The following ADCYAP1R1 variants were observed in gnomAD, a reference collection of about 807,000 sequenced individuals.
ADCYAP1R1 encodes pituitary adenylate cyclase-activating polypeptide type I receptor.
Under a neutral mutation model 67.6 loss-of-function variants are expected in ADCYAP1R1, and 44 were observed. That is an observed-to-expected ratio of 0.65 (90% CI 0.51 to 0.84). ADCYAP1R1 has a LOEUF of 0.84. Ranked by LOEUF, ADCYAP1R1 falls within the 40% of genes least tolerant of loss-of-function variation. The probability of loss-of-function intolerance (pLI) is 0.00; values close to 1 mark genes in which losing one functional copy is unlikely to be tolerated. For missense variants in ADCYAP1R1, 477 were observed against 587.9 expected, an observed-to-expected ratio of 0.81 and a Z score of 1.95; for synonymous variants, 222 against 219.6, an observed-to-expected ratio of 1.01 and a Z score of -0.10.
Position 31,104,704 on chromosome 7 carries a change from C to G in ADCYAP1R1, c.1177-164C>G, listed in dbSNP as rs555310765. On this transcript the variant is annotated intron_variant, in intron 14 of 15. Coordinates refer to ENST00000304166, the MANE Select transcript of ADCYAP1R1 (RefSeq NM_001118.5). ...CACGTGGCCTCATGGGTGTGCCCATCTTGGTAGAGTAGAACTGTCCCATCT... is the reference window on the plus strand; with the variant it reads ...CACGTGGCCTCATGGGTGTGCCCATGTTGGTAGAGTAGAACTGTCCCATCT... Among the ~76,000 whole-genome samples the G allele has an allele frequency of 2.0e-5, 3 of 152,332 alleles. No homozygotes were observed. The East Asian group carries it at 5.8e-4, about 29-fold the overall frequency.
Position 31,102,276 on chromosome 7 carries a change from G to GGGGGCAGGCCACATCTGC in ADCYAP1R1, c.1047-942_1047-925dup, listed in dbSNP as rs893353250. On this transcript the variant is annotated intron_variant, in intron 13 of 15. Coordinates refer to ENST00000304166, the MANE Select transcript of ADCYAP1R1 (RefSeq NM_001118.5). This position sits in a 1 kb window ranked among gnomAD's most constrained non-coding sequence, Gnocchi z 4.3. ...GGAGGAGATGGGCCAGGTGCAGCCT[G>GGGGGCAGGCCACATCTGC]GGGGCAGGCCACATCTGCGGGGCAG... Among the ~76,000 whole-genome samples the GGGGGCAGGCCACATCTGC allele has an allele frequency of 6.6e-6, 1 of 152,220 alleles. No homozygotes were observed. Among genetic ancestry groups the GGGGGCAGGCCACATCTGC allele is most frequent in the Admixed American group, 6.5e-5 (1 of 15,286 alleles).
chr7:31,053,462 G>C (rs1030142915), intron 1 of ADCYAP1R1, among the ~76,000 whole-genome samples: 2 of 152,204 alleles, frequency 1.3e-5, no homozygotes, highest in Admixed American at 6.5e-5. Context: ...CATCCTCGGC[G>C]GGACCTTGGC....
At position 31,106,426 on chromosome 7, in the gene ADCYAP1R1, G is replaced by A; in HGVS notation, c.1219-70G>A. ...CACTGCCAGCCTGGGAAGGGCCCCA[G>A]GCCAGGACAGGGCCTGGAGGCTGCA... On this transcript the variant is annotated intron_variant, in intron 15 of 15. Coordinates refer to ENST00000304166, the MANE Select transcript of ADCYAP1R1 (RefSeq NM_001118.5). 4 of 1,524,988 alleles carry A rather than the reference G, an allele frequency of 2.6e-6. No homozygotes were observed. The East Asian group carries it at 7.1e-5, about 27-fold the overall frequency. 94.5% of individuals were successfully genotyped at this position (1,524,988 alleles called of 1,614,324 possible).
At position 31,102,481 on chromosome 7, in the gene ADCYAP1R1, G is replaced by C. The variant is rs965583779; in HGVS notation, c.1047-756G>C. ...TGGCTTCAGAACAGAGCCCCACCGTGCTGTCAGCCTAGGGCCAGAGGCAGG... is the reference window on the plus strand; with the variant it reads ...TGGCTTCAGAACAGAGCCCCACCGTCCTGTCAGCCTAGGGCCAGAGGCAGG... On this transcript the variant is annotated intron_variant, in intron 13 of 15. Coordinates refer to ENST00000304166, the MANE Select transcript of ADCYAP1R1 (RefSeq NM_001118.5). This position sits in a 1 kb window ranked among gnomAD's most constrained non-coding sequence, Gnocchi z 4.3. 6.6e-6 allele frequency among the ~76,000 whole-genome samples: 1 copy of C among 152,206 alleles called. No homozygotes were observed. Among genetic ancestry groups the C allele is most frequent in the Non-Finnish European group, 1.5e-5 (1 of 68,032 alleles).
intron 2 of ADCYAP1R1, 109 bp downstream of exon 2, chr7:31,063,424 A>G: frequency 1.6e-6 from 2 of 1,290,138 alleles, no homozygotes. Flanking sequence ...TCTGGCTGGT[A>G]TTTCTGCCAA....
intron 1 of ADCYAP1R1, among the ~76,000 whole-genome samples, chr7:31,062,196 T>A (rs1194138023): frequency 6.6e-6 from 1 of 152,186 alleles, no homozygotes. Flanking sequence ...AATGATCAAT[T>A]TTAGAAGCAG....
chr7:31,095,656 C>G lies in ADCYAP1R1; in HGVS notation c.1046+2921C>G, dbSNP rs1299560857. The G allele has an allele frequency of 4.2e-6, 3 of 717,708 alleles. No individual in the cohort carries two copies. The Admixed American group carries it at 6.0e-5, about 14-fold the overall frequency. The allele number at this position is 717,708 out of a possible 1,614,324, so 44.5% of individuals were successfully genotyped here. A position where few individuals can be genotyped will look rare whatever the true frequency, so the allele number is the denominator to read the frequency against. ...CACAACAGCTCTCCGGTTTTTTCCT[C>G]TTATTTCCAGAACAAATTTAAGCCC... is the stretch of plus-strand genomic sequence containing the variant. On this transcript the variant is annotated intron_variant, in intron 13 of 15. Transcript: ENST00000304166.
intron 1 of ADCYAP1R1, among the ~76,000 whole-genome samples, chr7:31,054,172 C>A (rs1016263262): frequency 6.6e-6 from 1 of 152,290 alleles, no homozygotes; most frequent in African/African-American, 2.4e-5. Context: ...CCAGCTCTTC[C>A]AACTGATCCA....
chr7:31,055,926 G>A (rs1794220126), intron 1 of ADCYAP1R1, among the ~76,000 whole-genome samples: 1 of 152,132 alleles, frequency 6.6e-6, no homozygotes, highest in Admixed American at 6.5e-5. Context: ...CCCTGTGATT[G>A]ATTCCCCCAC....
At position 31,085,318 on chromosome 7, in the gene ADCYAP1R1, A is replaced by G. The variant is rs751779209; in HGVS notation, c.545A>G (p.His182Arg). 1.9e-6 allele frequency: 3 copies of G among 1,613,772 alleles called. No homozygotes were observed. The highest frequency in any genetic ancestry group is 2.5e-6 in the Non-Finnish European group (3 of 1,179,892). The change falls in exon 9 of 16, where the codon CAC becomes CGC. Residue 182 changes from histidine to arginine, a missense_variant. By Grantham distance (29) the His-to-Arg change is conservative. Transcript: ENST00000304166. Reference protein sequence around the residue: ...MVILCRFRKLHCTRNFIHMNL... With the variant: ...MVILCRFRKLRCTRNFIHMNL... ...CTGGCCCACTCATGTAGGAAGCTGC[A>G]CTGCACACGCAACTTCATCCACATG...
At position 31,078,085 on chromosome 7, in the gene ADCYAP1R1, C is replaced by T; in HGVS notation, c.252C>T (p.Phe84=). ...GCTGCCCTGAGCTCTTCCGAATCTTCAACCCAGACCAAGGTGGGTTTAGCC... is the reference window on the plus strand; with the variant it reads ...GCTGCCCTGAGCTCTTCCGAATCTTTAACCCAGACCAAGGTGGGTTTAGCC... The part of the protein sequence containing the change: ...LVSCPELFRI[F]NPDQVWETET... Residue 84 remains phenylalanine (F), a synonymous_variant, in exon 4 of 16, where the codon TTC becomes TTT. Coordinates refer to ENST00000304166, the MANE Select transcript of ADCYAP1R1 (RefSeq NM_001118.5). 3 of 1,611,032 alleles carry T rather than the reference C, an allele frequency of 1.9e-6. No homozygotes were observed. The highest frequency in any genetic ancestry group is 2.5e-6 in the Non-Finnish European group (3 of 1,178,466).
chr7:31,054,489 G>T (rs566736873), intron 1 of ADCYAP1R1, among the ~76,000 whole-genome samples: 2 of 152,186 alleles, frequency 1.3e-5, no homozygotes, highest in Non-Finnish European at 2.9e-5. Flanking sequence ...TCTGTTGTGC[G>T]TCAACTTTGG....
chr7:31,084,313 T>C (rs1208253807), intron 7 of ADCYAP1R1, 63 bp downstream of exon 7: 2 of 1,399,440 alleles, frequency 1.4e-6, no homozygotes, highest in Admixed American at 1.7e-5. Context: ...TTTAGGTCAG[T>C]AGGCAGCATT....
At chr7:31,097,238 C>G (rs1377104382) in intron 13 of ADCYAP1R1, among the ~76,000 whole-genome samples, 1 of 152,196 alleles carries the variant, frequency 6.6e-6, no homozygotes, top group African/African-American at 2.4e-5. Flanking sequence ...CCAGACAGCC[C>G]CACCCAACAC....
chr7:31,076,666 G>C (rs77653566), intron 3 of ADCYAP1R1, among the ~76,000 whole-genome samples: 1 of 152,138 alleles, frequency 6.6e-6, no homozygotes, highest in African/African-American at 2.4e-5. Flanking sequence ...TGCTTGGCGC[G>C]TGCAGGCTTC....
Position 31,102,566 on chromosome 7 carries a change from CT to C in ADCYAP1R1, c.1047-670del, listed in dbSNP as rs1168911412. On this transcript the variant is annotated intron_variant, in intron 13 of 15. Transcript: ENST00000304166. The surrounding 1 kb of genome is among the most constrained non-coding windows in gnomAD (Gnocchi z 4.3). ...CTGCAGTCCTCCGGCCCTTCCTCCC[CT>C]GCCTGGCCCACTTCAGAGCATTCTC... Among the ~76,000 whole-genome samples the C allele has an allele frequency of 6.6e-6, 1 of 152,214 alleles. No individual in the cohort carries two copies. Among genetic ancestry groups the C allele is most frequent in the African/African-American group, 2.4e-5 (1 of 41,464 alleles).
intron 13 of ADCYAP1R1, among the ~76,000 whole-genome samples, chr7:31,098,619 G>A (rs1488708918): frequency 1.3e-5 from 2 of 149,662 alleles, no homozygotes; most frequent in Non-Finnish European, 2.9e-5. Context: ...GATCTGTAGT[G>A]CCCACCTCAC....
intron 13 of ADCYAP1R1, among the ~76,000 whole-genome samples, chr7:31,098,129 T>C (rs1487063974): frequency 6.6e-6 from 1 of 152,132 alleles, no homozygotes; most frequent in Admixed American, 6.5e-5. Context: ...CTCAAACTCC[T>C]GAACTCAGCC....
intron 1 of ADCYAP1R1, among the ~76,000 whole-genome samples, chr7:31,053,339 G>C (rs1794104766): frequency 6.6e-6 from 1 of 152,244 alleles, no homozygotes; most frequent in African/African-American, 2.4e-5. Context: ...AACGCCCTGC[G>C]GGGTCTGTGG....
Sources: gnomAD v4.1 joint callset for allele counts (sites outside exome capture counted in the v4.1 genomes callset) on GRCh38, gnomAD v4.1.1 for gene constraint, Gnocchi (gnomAD v3.1) non-coding constraint, MANE v1.5 for transcripts, NCBI Gene and HGNC (gene_info 2026-07-23, HGNC 2026-07-21) for gene names.